PARP4: variants seen among roughly 807,000 people sequenced by gnomAD.
PARP4 encodes the protein poly(ADP-ribose) polymerase family member 4, also known as protein mono-ADP-ribosyltransferase PARP4.
A neutral mutation model predicts 187.7 loss-of-function variants in PARP4; 120 were observed. The observed-to-expected ratio is 0.64, with a 90% CI of 0.55 to 0.74. PARP4 has a LOEUF of 0.74. Ranked by LOEUF, PARP4 falls within the 30% of genes least tolerant of loss-of-function variation. The pLI is 0.00. For synonymous variants in PARP4, 654 were observed against 740.9 expected, an observed-to-expected ratio of 0.88 and a Z score of 1.90; for missense variants, 1,836 against 2,070.5, an observed-to-expected ratio of 0.89 and a Z score of 2.20.
At chr13:24,437,400 A>C (rs1870686439) in intron 30 of PARP4, among the ~76,000 whole-genome samples, 1 of 152,208 alleles carries the variant, frequency 6.6e-6, no homozygotes, top group African/African-American at 2.4e-5. Flanking sequence ...AAAAATCTGC[A>C]TGACCAAAAG....
chr13:24,457,770 C>CAAAAAAAAAAAAAAAAAAA (rs33930012), intron 20 of PARP4, among the ~76,000 whole-genome samples: 40 of 85,642 alleles, frequency 4.7e-4, no homozygotes, highest in Non-Finnish European at 6.6e-4. Context: ...GACTCTGTCT[C>CAAAAAAAAAAAAAAAAAAA]AAAAAAAAAA....
intron 1 of PARP4, among the ~76,000 whole-genome samples, chr13:24,505,330 A>C (rs1201657188): frequency 1.3e-5 from 2 of 152,174 alleles, no homozygotes; most frequent in African/African-American, 4.8e-5. Context: ...GGGTCTGGGC[A>C]GCATGGCTTG....
chr13:24,430,506 T>C (rs1222182259), intron 32 of PARP4, among the ~76,000 whole-genome samples: 2 of 150,842 alleles, frequency 1.3e-5, no homozygotes, highest in African/African-American at 4.9e-5. Context: ...ATACAAAAAT[T>C]AGTCAGGCAT....
intron 6 of PARP4, among the ~76,000 whole-genome samples, chr13:24,496,212 A>AT (rs1868945614): frequency 1.3e-5 from 2 of 151,374 alleles, no homozygotes; most frequent in African/African-American, 4.9e-5. Context: ...TTTCACCTTC[A>AT]TTTTTACTTA....
At chr13:24,458,920 G>C (rs1251793983) in intron 20 of PARP4, 124 bp downstream of exon 20, 12 of 707,882 alleles carry the variant, frequency 1.7e-5, no homozygotes, top group Non-Finnish European at 2.8e-5. Flanking sequence ...AGGGGCAGGA[G>C]TAGTGCTTCT....
At position 24,489,619 on chromosome 13, in the gene PARP4, A is replaced by C. The variant is rs145256584; in HGVS notation, c.1214+1049T>G. The stretch of plus-strand genomic sequence containing the variant: ...GCGAGACTCCGTCTCAAAAAAATAA[A>C]AAATAAAATAAAAAAACAAAAGAAA... On this transcript the variant is annotated intron_variant, in intron 10 of 33. Transcript: ENST00000381989. Among the ~76,000 whole-genome samples the C allele has an allele frequency of 4.2e-3, 639 of 152,328 alleles. 7 individuals are homozygous for C. The highest frequency in any genetic ancestry group is 0.014 in the African/African-American group (600 of 41,552).
Position 24,426,607 on chromosome 13 carries a change from A to G in PARP4, c.4847-9T>C, listed in dbSNP as rs186652264. The G allele has an allele frequency of 1.9e-6, 3 of 1,606,952 alleles. No homozygotes were observed. The South Asian group carries it at 3.4e-5, about 18-fold the overall frequency. On this transcript the variant is annotated splice_polypyrimidine_tract_variant and intron_variant, in intron 32 of 33. Transcript: ENST00000381989. Reference sequence around the variant, plus strand: ...TTCTCTTCCTTTTACACCTAAAAGGAAAAAAACTCCGTTAAGTCTGTTGGA... The same window carrying G: ...TTCTCTTCCTTTTACACCTAAAAGGGAAAAAACTCCGTTAAGTCTGTTGGA...
At chr13:24,470,367 T>C (rs1435412810) in intron 15 of PARP4, among the ~76,000 whole-genome samples, 5 of 152,276 alleles carry the variant, frequency 3.3e-5, no homozygotes, top group African/African-American at 9.6e-5. Context: ...CTTCGTGCCA[T>C]GTTGGCTGGA....
intron 18 of PARP4, 22 bp from the exon 19 acceptor site, chr13:24,459,332 T>A (rs3783078): frequency 6.6e-7 from 1 of 1,504,534 alleles, no homozygotes; most frequent in African/African-American, 1.4e-5. Flanking sequence ...AAAATACATT[T>A]GTATAACTAA....
intron 15 of PARP4, among the ~76,000 whole-genome samples, chr13:24,472,775 A>G (rs1446056268): frequency 6.6e-6 from 1 of 151,718 alleles, no homozygotes; most frequent in Non-Finnish European, 1.5e-5. Context: ...CCCTCCTGTG[A>G]TGCTTGTCTT....
intron 6 of PARP4, among the ~76,000 whole-genome samples, chr13:24,497,354 G>T (rs889044125): frequency 5.3e-5 from 8 of 152,288 alleles, no homozygotes; most frequent in African/African-American, 1.9e-4. Flanking sequence ...TGACGCCAGG[G>T]TGTGAAGCTA....
At chr13:24,468,444 G>T (rs982655321) in intron 17 of PARP4, among the ~76,000 whole-genome samples, 5 of 113,768 alleles carry the variant, frequency 4.4e-5, no homozygotes, top group African/African-American at 1.7e-4. Context: ...CGCTCTTGTT[G>T]CCCAGGCTGG....
chr13:24,441,237 A>T (rs544554497), intron 30 of PARP4, among the ~76,000 whole-genome samples: 1 of 152,274 alleles, frequency 6.6e-6, no homozygotes, highest in East Asian at 1.9e-4. Flanking sequence ...CTCCTGGCTG[A>T]AGTGATTTTT....
chr13:24,493,737 CAAT>C lies in PARP4; in HGVS notation c.742-7_742-5del. The C allele has an allele frequency of 1.2e-6, 2 of 1,612,930 alleles. No homozygotes were observed. Among genetic ancestry groups the C allele is most frequent in the Non-Finnish European group, 1.7e-6 (2 of 1,179,734 alleles). On this transcript the variant is annotated splice_region_variant and splice_polypyrimidine_tract_variant and intron_variant, in intron 7 of 33. Coordinates refer to ENST00000381989, the MANE Select transcript of PARP4 (RefSeq NM_006437.4). Reference sequence around the variant, plus strand: ...TCATGACTTCCTCCAAAAGCAACTACAATAATAAAATAGAAATGCCACCAAAAA... The same window carrying C: ...TCATGACTTCCTCCAAAAGCAACTACAATAAAATAGAAATGCCACCAAAAA...
chr13:24,508,184 C>CA (rs67281877), intron 1 of PARP4, among the ~76,000 whole-genome samples: 32,497 of 151,070 alleles, frequency 0.22, 3,830 homozygotes, highest in South Asian at 0.4. Context: ...AAACAACACA[C>CA]AAAAAAAAAC....
At chr13:24,467,423 G>T (rs1872529669) in intron 17 of PARP4, among the ~76,000 whole-genome samples, 3 of 152,154 alleles carry the variant, frequency 2.0e-5, no homozygotes, top group Non-Finnish European at 4.4e-5. Context: ...TAGATGGAGG[G>T]ATTCCTAAGC....
intron 1 of PARP4, among the ~76,000 whole-genome samples, chr13:24,510,553 C>CAAAAAA (rs61708412): frequency 0.21 from 18,119 of 88,132 alleles, 2,033 homozygotes; most frequent in South Asian, 0.39. Flanking sequence ...GACTCCGTCT[C>CAAAAAA]AAAAAAAAAA....
chr13:24,505,653 C>T (rs1461475467), intron 1 of PARP4, among the ~76,000 whole-genome samples: 1 of 152,178 alleles, frequency 6.6e-6, no homozygotes, highest in Non-Finnish European at 1.5e-5. Context: ...CTCAGCCTCC[C>T]GAGTAGCTGG....
Position 24,459,088 on chromosome 13 carries a change from C to A in PARP4, c.2380G>T (p.Val794Leu). ...SLTMSIEMPY[V>L]IEFIFSDTHE... ...GTATCACTGAAAATGAATTCAATCA[C>A]ATACGGCATCTCAATAGACATAGTC... The change falls in exon 20 of 34, where the codon GTG (valine) becomes TTG (leucine). Residue 794 changes from valine (V) to leucine (L), a missense_variant. Physicochemically the swap from Val to Leu is conservative, Grantham distance 32. Around this residue, in one of 8 missense-constraint regions of PARP4, gnomAD observed 1,147 missense variants for 1,214.2 expected, o/e 0.94. Transcript: ENST00000381989. 6.2e-7 allele frequency: 1 copy of A among 1,611,296 alleles called. No individual in the cohort carries two copies. The highest frequency in any genetic ancestry group is 8.5e-7 in the Non-Finnish European group (1 of 1,177,918).
Sources: gnomAD v4.1 joint callset for allele counts (sites outside exome capture counted in the v4.1 genomes callset) on GRCh38, gnomAD v4.1.1 for gene constraint, gnomAD v4.1.1 regional missense constraint, MANE v1.5 for transcripts, NCBI Gene and HGNC (gene_info 2026-07-23, HGNC 2026-07-21) for gene names.